The following PRKCE variants were observed in gnomAD, a reference collection of about 807,000 sequenced individuals.
PRKCE encodes protein kinase C epsilon, also known as protein kinase C epsilon type.
In PRKCE, 16 loss-of-function variants were observed where a neutral mutation model predicts 85.4. The ratio of observed to expected loss-of-function variants is 0.19; its 90% CI spans 0.13 to 0.28. The LOEUF (loss-of-function observed/expected upper bound fraction) is 0.28, where lower values mean the gene tolerates loss of function less well. Ranked by LOEUF, PRKCE falls within the 10% of genes least tolerant of loss-of-function variation. The pLI is 1.00. For synonymous variants in PRKCE, 388 were observed against 371.5 expected (o/e 1.04, Z -0.51); for missense variants, 573 against 975.2 (o/e 0.59, Z 5.49).
At chr2:45,733,047 A>T (rs555533786) in intron 1 of PRKCE, among the ~76,000 whole-genome samples, 16 of 152,362 alleles carry the variant, frequency 1.1e-4, no homozygotes, top group African/African-American at 3.8e-4. Flanking sequence ...TAGACAATAC[A>T]AATAAACAAA....
At chr2:45,940,067 C>T (rs1017922244) in intron 2 of PRKCE, among the ~76,000 whole-genome samples, 3 of 152,200 alleles carry the variant, frequency 2.0e-5, no homozygotes, top group Non-Finnish European at 4.4e-5. Context: ...CTTGTCTCTG[C>T]GTCTTCCTGC....
intron 14 of PRKCE, among the ~76,000 whole-genome samples, chr2:46,171,484 G>A (rs1218429550): frequency 6.6e-6 from 1 of 152,236 alleles, no homozygotes; most frequent in Non-Finnish European, 1.5e-5. Flanking sequence ...GCAGATGGCT[G>A]CATTGATGCC....
chr2:45,653,842 C>T (rs1309525968), intron 1 of PRKCE, among the ~76,000 whole-genome samples: 1 of 152,188 alleles, frequency 6.6e-6, no homozygotes, highest in African/African-American at 2.4e-5. Context: ...TTTATGGAAT[C>T]CCAGAGAACT....
At chr2:46,027,555 G>A (rs1447050418) in intron 10 of PRKCE, among the ~76,000 whole-genome samples, 1 of 151,820 alleles carries the variant, frequency 6.6e-6, no homozygotes, top group Non-Finnish European at 1.5e-5. Context: ...CTCATTCGTA[G>A]GTATATTTTA....
At position 46,095,551 on chromosome 2, in the gene PRKCE, C is replaced by A. The variant is rs150175700; in HGVS notation, c.1592+9189C>A. Reference sequence around the variant, plus strand: ...CTTTTCTCTCGCTCCACATCACCCTCATCTCCAGAGTAACTGTTACTGCAT... The same window carrying A: ...CTTTTCTCTCGCTCCACATCACCCTAATCTCCAGAGTAACTGTTACTGCAT... On this transcript the variant is annotated intron_variant, in intron 11 of 14. Transcript: ENST00000306156. Among the ~76,000 whole-genome samples the A allele has an allele frequency of 5.6e-4, 86 of 152,332 alleles. 1 individual carries two copies. The highest frequency in any genetic ancestry group is 1.9e-3 in the African/African-American group (81 of 41,566).
chr2:45,888,215 G>C (rs1308984351), intron 2 of PRKCE, among the ~76,000 whole-genome samples: 1 of 152,214 alleles, frequency 6.6e-6, no homozygotes, highest in Non-Finnish European at 1.5e-5. Context: ...CTCCTGCTTA[G>C]CTCCTTTGAA....
chr2:45,806,941 T>C (rs1688289431), intron 1 of PRKCE, among the ~76,000 whole-genome samples: 1 of 152,150 alleles, frequency 6.6e-6, no homozygotes, highest in African/African-American at 2.4e-5. Context: ...CCTGAGGATG[T>C]TTTGCCTAGA....
At chr2:45,698,608 A>G (rs1194802564) in intron 1 of PRKCE, among the ~76,000 whole-genome samples, 4 of 151,506 alleles carry the variant, frequency 2.6e-5, no homozygotes, top group African/African-American at 4.8e-5. Context: ...AGGAAGAGGA[A>G]AGAGAGGAAG....
At chr2:46,128,729 T>C (rs1674114521) in intron 11 of PRKCE, among the ~76,000 whole-genome samples, 1 of 152,120 alleles carries the variant, frequency 6.6e-6, no homozygotes, top group South Asian at 2.1e-4. Context: ...CCATTAAAAA[T>C]AAGGTTGATA....
At position 45,858,510 on chromosome 2, in the gene PRKCE, C is replaced by T. The variant is rs1573632563; in HGVS notation, c.412+15447C>T. On this transcript the variant is annotated intron_variant, in intron 2 of 14. Coordinates refer to ENST00000306156, the MANE Select transcript of PRKCE (RefSeq NM_005400.3). ...TTTATGCTGAACTTATATTGTATATCATGGGTCATATGTCCCTATGATCCA... is the reference window on the plus strand; with the variant it reads ...TTTATGCTGAACTTATATTGTATATTATGGGTCATATGTCCCTATGATCCA... Among the ~76,000 whole-genome samples, 3 of 152,250 alleles carry T rather than the reference C, an allele frequency of 2.0e-5. No homozygotes were observed. In the South Asian group the frequency reaches 6.2e-4, roughly 32 times the overall value.
At chr2:46,055,296 C>T (rs1666462353) in intron 10 of PRKCE, among the ~76,000 whole-genome samples, 3 of 152,232 alleles carry the variant, frequency 2.0e-5, no homozygotes, top group African/African-American at 7.2e-5. Flanking sequence ...CGCCCTGGCT[C>T]CTGCACCTGC....
At chr2:46,018,850 A>T (rs977416525) in intron 10 of PRKCE, among the ~76,000 whole-genome samples, 8 of 152,216 alleles carry the variant, frequency 5.3e-5, no homozygotes, top group African/African-American at 1.4e-4. Flanking sequence ...GTTCTACAGT[A>T]TCTGAGGGCG....
intron 1 of PRKCE, among the ~76,000 whole-genome samples, chr2:45,841,888 C>T (rs1691381581): frequency 6.6e-6 from 1 of 152,178 alleles, no homozygotes; most frequent in South Asian, 2.1e-4. Flanking sequence ...CTGCTCTTTG[C>T]TGGGGACAGT....
intron 13 of PRKCE, among the ~76,000 whole-genome samples, chr2:46,157,527 CA>C (rs1677334043): frequency 1.3e-5 from 2 of 152,158 alleles, no homozygotes; most frequent in South Asian, 4.1e-4. Flanking sequence ...ACCCACCCTG[CA>C]AAGAAGTATC....
chr2:46,051,397 TG>T (rs1708850585), intron 10 of PRKCE, among the ~76,000 whole-genome samples: 1 of 152,176 alleles, frequency 6.6e-6, no homozygotes, highest in Admixed American at 6.5e-5. Flanking sequence ...AGGGCAAATG[TG>T]ATTTTCTCAC....
Position 45,675,840 on chromosome 2 carries a change from G to A in PRKCE, c.348+23392G>A, listed in dbSNP as rs77664795. On this transcript the variant is annotated intron_variant, in intron 1 of 14. Coordinates refer to ENST00000306156, the MANE Select transcript of PRKCE (RefSeq NM_005400.3). ...ATGGGCCTGACTTTGGTGAGAGGTG[G>A]CCTTCCACCAGGAAGCCTCCAGCTG... 8.3e-3 allele frequency among the ~76,000 whole-genome samples: 1,259 copies of A among 152,284 alleles called. 22 individuals are homozygous for A. Among genetic ancestry groups the A allele is most frequent in the African/African-American group, 0.029 (1,195 of 41,550 alleles).
chr2:46,058,841 G>A (rs1407481661), intron 10 of PRKCE, among the ~76,000 whole-genome samples: 1 of 152,124 alleles, frequency 6.6e-6, no homozygotes, highest in Non-Finnish European at 1.5e-5. Context: ...GACCACAGGC[G>A]GGTGCCACCA....
At chr2:46,085,512 C>T (rs1305917898) in intron 10 of PRKCE, among the ~76,000 whole-genome samples, 1 of 151,930 alleles carries the variant, frequency 6.6e-6, no homozygotes, top group African/African-American at 2.4e-5. Flanking sequence ...AGAGGTTCCG[C>T]TCCTTGCCTC....
At chr2:45,939,475 A>G (rs555877375) in intron 2 of PRKCE, among the ~76,000 whole-genome samples, 1 of 152,290 alleles carries the variant, frequency 6.6e-6, no homozygotes, top group Admixed American at 6.5e-5. Flanking sequence ...CGAGGTTACT[A>G]AGACTTTCAA....
Sources: gnomAD v4.1 joint callset for allele counts (sites outside exome capture counted in the v4.1 genomes callset) on GRCh38, gnomAD v4.1.1 for gene constraint, MANE v1.5 for transcripts, NCBI Gene and HGNC (gene_info 2026-07-23, HGNC 2026-07-21) for gene names.